The following CCDC92B variants were observed in gnomAD, a reference collection of about 807,000 sequenced individuals.
CCDC92B encodes the protein coiled-coil domain containing 92B.
Under a neutral mutation model 5.6 loss-of-function variants are expected in CCDC92B, and 2 were observed. The ratio of observed to expected loss-of-function variants is 0.36; its 90% confidence interval spans 0.15 to 1.12. CCDC92B has a LOEUF of 1.12. CCDC92B is among the 50% of genes most tolerant of loss of function. CCDC92B has a pLI of 0.40. For synonymous variants in CCDC92B, 115 were observed against 122.3 expected, an observed-to-expected ratio of 0.94 and a Z score of 0.39; for missense variants, 271 against 262.2, an observed-to-expected ratio of 1.03 and a Z score of -0.23.
At chr17:2,746,223 C>G (rs1220997367) in intron 1 of CCDC92B, among the ~76,000 whole-genome samples, 1 of 152,174 alleles carries the variant, frequency 6.6e-6, no homozygotes, top group African/African-American at 2.4e-5. Context: ...CTCAAGTGAT[C>G]CATTTGCCTC....
intron 2 of CCDC92B, among the ~76,000 whole-genome samples, chr17:2,732,625 G>T (rs775258910): frequency 2.0e-5 from 3 of 152,126 alleles, no homozygotes; most frequent in African/African-American, 7.2e-5. Context: ...GCTGAGGCAG[G>T]AGAATTGCTT....
At chr17:2,730,562 T>TGA (rs35055583) in intron 2 of CCDC92B, 69 bp from the exon 3 acceptor site, 526 of 265,668 alleles carry the variant, frequency 2.0e-3, no homozygotes, top group Non-Finnish European at 2.5e-3. Context: ...TGTGTGTGTG[T>TGA]GAGAGAGAGA....
At position 2,735,110 on chromosome 17, in the gene CCDC92B, G is replaced by A. The variant is rs1392193292; in HGVS notation, c.36C>T (p.Ser12=). ...TCAGGAAGCTGATGTGGCGTTGCACGCTCTGGATCTGATGCTCCAGGGACA... is the reference window on the plus strand; with the variant it reads ...TCAGGAAGCTGATGTGGCGTTGCACACTCTGGATCTGATGCTCCAGGGACA... ...DTVSLEHQIQ[S]VQRHISFLKK... The change falls in exon 2 of 4, where the codon AGC becomes AGT. Residue 12 remains serine, a synonymous_variant. Transcript: ENST00000614400. 5.1e-6 allele frequency: 5 copies of A among 985,424 alleles called. No homozygotes were observed. Among genetic ancestry groups the A allele is most frequent in the East Asian group, 1.1e-4 (1 of 8,826 alleles). The allele number at this position is 985,424 out of a possible 1,614,324, so 61.0% of individuals were successfully genotyped here. A position where few individuals can be genotyped will look rare whatever the true frequency, so the allele number is the denominator to read the frequency against.
intron 3 of CCDC92B, among the ~76,000 whole-genome samples, chr17:2,729,327 C>T (rs1036841359): frequency 2.6e-5 from 4 of 151,966 alleles, no homozygotes; most frequent in African/African-American, 9.7e-5. Context: ...CCTGTCTCTA[C>T]TAAGAAATAC....
intron 1 of CCDC92B, chr17:2,748,596 G>A: frequency 1.0e-6 from 1 of 985,158 alleles, no homozygotes; most frequent in Non-Finnish European, 1.2e-6. Flanking sequence ...CTGAGGGCAA[G>A]GCTTTGTCTC....
chr17:2,727,377 T>C (rs149249851), intron 3 of CCDC92B, among the ~76,000 whole-genome samples: 17 of 152,302 alleles, frequency 1.1e-4, no homozygotes, highest in African/African-American at 4.1e-4. Flanking sequence ...TCCCCGGTGG[T>C]TCTCACGTGC....
chr17:2,735,013 C>G lies in CCDC92B; in HGVS notation c.130+3G>C. ...CCCGTCCAGCCGCCTCTCCTGGCCT[C>G]ACCTGAGCAGCGTTTCTGCAGCCTC... On this transcript the variant is annotated splice_donor_region_variant and intron_variant, in intron 2 of 3. Coordinates refer to ENST00000614400, the MANE Select transcript of CCDC92B (RefSeq NM_001355573.2). The G allele has an allele frequency of 1.0e-6, 1 of 985,568 alleles. No individual in the cohort carries two copies. The highest frequency in any genetic ancestry group is 1.7e-5 in the African/African-American group (1 of 57,378). The allele number at this position is 985,568 out of a possible 1,614,324, so 61.1% of individuals were successfully genotyped here.
At position 2,728,335 on chromosome 17, in the gene CCDC92B, C is replaced by T. The variant is rs563508149; in HGVS notation, c.178+2111G>A. ...TCAAAAAAAAAAAAAAGGCCAGACGCGGTGGCTCATGCCTGTAATCCCAGC... is the reference window on the plus strand; with the variant it reads ...TCAAAAAAAAAAAAAAGGCCAGACGTGGTGGCTCATGCCTGTAATCCCAGC... On this transcript the variant is annotated intron_variant, in intron 3 of 3. Transcript: ENST00000614400. Among the ~76,000 whole-genome samples the T allele has an allele frequency of 2.6e-4, 37 of 144,686 alleles. 1 individual carries two copies. Among genetic ancestry groups the T allele is most frequent in the Non-Finnish European group, 4.3e-4 (29 of 66,774 alleles). The allele number at this position is 144,686 out of a possible 152,430, so 94.9% of individuals were successfully genotyped here. A position where few individuals can be genotyped will look rare whatever the true frequency, so the allele number is the denominator to read the frequency against.
intron 1 of CCDC92B, among the ~76,000 whole-genome samples, chr17:2,745,872 A>G (rs1467756079): frequency 6.6e-6 from 1 of 152,102 alleles, no homozygotes; most frequent in Non-Finnish European, 1.5e-5. Flanking sequence ...TCCTCTGTCC[A>G]CTGTCCTGAG....
chr17:2,732,611 G>A (rs146581038), intron 2 of CCDC92B, among the ~76,000 whole-genome samples: 14 of 152,192 alleles, frequency 9.2e-5, no homozygotes, highest in African/African-American at 2.2e-4. Flanking sequence ...CAGCTACTTC[G>A]GAGGCTGAGG....
intron 1 of CCDC92B, chr17:2,748,122 AT>A: frequency 1.9e-6 from 1 of 530,948 alleles, no homozygotes; most frequent in South Asian, 1.4e-5. Context: ...ATCAGCCTGC[AT>A]TTAGCAGTCC....
In CCDC92B at chr17:2,735,147, GC is replaced by G; in HGVS notation, c.-3del. The G allele has an allele frequency of 1.0e-6, 1 of 985,596 alleles. No individual in the cohort carries two copies. Among genetic ancestry groups the G allele is most frequent in the East Asian group, 1.1e-4 (1 of 8,824 alleles). 61.1% of individuals were successfully genotyped at this position (985,596 alleles called of 1,614,324 possible). The stretch of plus-strand genomic sequence containing the variant: ...ATGCTCCAGGGACACGGTATCCATG[GC>G]AACCCAGGCCTGGGCCCCACCTAGG... On this transcript the variant is annotated 5_prime_UTR_variant, in exon 2 of 4. Transcript: ENST00000614400.
intron 1 of CCDC92B, among the ~76,000 whole-genome samples, chr17:2,746,050 C>T (rs1033016819): frequency 5.9e-5 from 9 of 151,956 alleles, no homozygotes; most frequent in East Asian, 1.9e-4. Context: ...GGCACAATCT[C>T]GGCTCACTGC....
At chr17:2,736,837 C>A (rs1442820990) in intron 1 of CCDC92B, among the ~76,000 whole-genome samples, 1 of 151,100 alleles carries the variant, frequency 6.6e-6, no homozygotes, top group Non-Finnish European at 1.5e-5. Flanking sequence ...GCCAACATTG[C>A]ACCACTGTAC....
intron 1 of CCDC92B, among the ~76,000 whole-genome samples, chr17:2,743,143 AG>A (rs1284204616): frequency 6.6e-6 from 1 of 152,102 alleles, no homozygotes; most frequent in Non-Finnish European, 1.5e-5. Flanking sequence ...AACAAATATA[AG>A]TCGGGTCAGG....
At chr17:2,725,253 G>A (rs1370834675) in intron 3 of CCDC92B, among the ~76,000 whole-genome samples, 1 of 151,712 alleles carries the variant, frequency 6.6e-6, no homozygotes, top group East Asian at 1.9e-4. Context: ...GGTGGTGGTG[G>A]GCGCCTGTAA....
At chr17:2,748,620 C>A (rs1321747292) in intron 1 of CCDC92B, 29 of 984,066 alleles carry the variant, frequency 2.9e-5, no homozygotes, top group Non-Finnish European at 3.5e-5. Context: ...GAATCTCTTG[C>A]AAGGAACAGG....
intron 1 of CCDC92B, among the ~76,000 whole-genome samples, chr17:2,735,532 G>A (rs1194221020): frequency 6.6e-6 from 1 of 152,124 alleles, no homozygotes; most frequent in East Asian, 1.9e-4. Flanking sequence ...CTGGGTTCAA[G>A]CAATTCTCCT....
chr17:2,740,084 T>C (rs1282684458), intron 1 of CCDC92B, among the ~76,000 whole-genome samples: 3 of 151,968 alleles, frequency 2.0e-5, no homozygotes, highest in Admixed American at 6.6e-5. Context: ...GGAACCTGCT[T>C]TAGATTTGAG....
Sources: gnomAD v4.1 joint callset for allele counts (sites outside exome capture counted in the v4.1 genomes callset) on GRCh38, gnomAD v4.1.1 for gene constraint, MANE v1.5 for transcripts, NCBI Gene and HGNC (gene_info 2026-07-23, HGNC 2026-07-21) for gene names.